Variants in FRMD7 observed in about 807,000 individuals in gnomAD.
The protein encoded by FRMD7 is FERM domain containing 7.
In FRMD7, 14 loss-of-function variants were observed where a neutral mutation model predicts 44.1. The observed-to-expected ratio is 0.32, with a 90% CI of 0.21 to 0.50. FRMD7 has a LOEUF of 0.50. FRMD7 is among the 20% of genes least tolerant of loss of function. The pLI is 0.99. For missense variants in FRMD7, 501 were observed against 522.3 expected (o/e 0.96, Z 0.40); for synonymous variants, 212 against 187.4 (o/e 1.13, Z -1.07).
chrX:132,097,781 T>C (rs952826893), intron 3 of FRMD7, among the ~76,000 whole-genome samples: 3 of 112,441 alleles, frequency 2.7e-5, no homozygotes, highest in African/African-American at 9.7e-5. Context: ...ATTCAAAGCA[T>C]GATGGACTGA....
At chrX:132,127,480 C>T (rs757375810) in intron 1 of FRMD7, among the ~76,000 whole-genome samples, 2 of 112,200 alleles carry the variant, frequency 1.8e-5, no homozygotes, top group Non-Finnish European at 3.8e-5. Context: ...TTTCAATGAA[C>T]AACAATACCT....
intron 3 of FRMD7, among the ~76,000 whole-genome samples, chrX:132,098,676 C>A (rs1004325861): frequency 2.9e-5 from 3 of 105,083 alleles, no homozygotes; most frequent in Non-Finnish European, 5.8e-5. Context: ...TCAGAAACAT[C>A]TGTGGAATTT....
chrX:132,107,722 A>G (rs927855598), intron 1 of FRMD7, among the ~76,000 whole-genome samples: 3 of 110,615 alleles, frequency 2.7e-5, no homozygotes, highest in Non-Finnish European at 5.7e-5. Flanking sequence ...ATTACATCCT[A>G]AAAGTCCTAT....
At chrX:132,100,187 G>T (rs774979892) in intron 2 of FRMD7, among the ~76,000 whole-genome samples, 1 of 111,939 alleles carries the variant, frequency 8.9e-6, no homozygotes, top group African/African-American at 3.3e-5. Flanking sequence ...GCTGGGATGC[G>T]GTGGTGCGAT....
chrX:132,078,818 G>T lies in FRMD7; in HGVS notation c.1199C>A (p.Ala400Glu), dbSNP rs943531530. The T allele has an allele frequency of 1.7e-6, 2 of 1,208,686 alleles. No homozygotes were observed. The highest frequency in any genetic ancestry group is 3.5e-5 in the African/African-American group (2 of 56,993). Residue 400 changes from alanine to glutamate, a missense_variant, in exon 12 of 12, where the codon GCG becomes GAG. Physicochemically the swap from Ala to Glu is moderately radical, Grantham distance 107 (BLOSUM62 -1). Coordinates refer to ENST00000298542, the MANE Select transcript of FRMD7 (RefSeq NM_194277.3). ...ATELEHSKPE[A>E]DPTLLHQSQS... The stretch of plus-strand genomic sequence containing the variant: ...GGACTGATGTAGCAATGTGGGATCC[G>T]CCTCTGGTTTGGAATGCTCCAGCTC...
chrX:132,096,732 AAAAAG>A (rs1928349844), intron 4 of FRMD7, among the ~76,000 whole-genome samples: 1 of 109,515 alleles, frequency 9.1e-6, no homozygotes, highest in African/African-American at 3.3e-5. Flanking sequence ...AAAAAAAAAA[AAAAAG>A]TGTAAGTCTA....
intron 5 of FRMD7, among the ~76,000 whole-genome samples, chrX:132,087,606 C>T (rs887365208): frequency 8.1e-5 from 9 of 111,639 alleles, no homozygotes; most frequent in Non-Finnish European, 1.1e-4. Context: ...GTTTCACTGA[C>T]TAATTCTATC....
rs377233934 is a variant in FRMD7 at position 132,097,558 on chromosome X, G to A, written c.206-214C>T. On this transcript the variant is annotated intron_variant, in intron 3 of 11. Coordinates refer to ENST00000298542, the MANE Select transcript of FRMD7 (RefSeq NM_194277.3). Reference sequence around the variant, plus strand: ...TGTGTCTCTATGTATATAGCGATTGGGAAAGTTCTCCCACCCCTCTTTCTA... The same window carrying A: ...TGTGTCTCTATGTATATAGCGATTGAGAAAGTTCTCCCACCCCTCTTTCTA... Among the ~76,000 whole-genome samples the A allele has an allele frequency of 3.6e-5, 4 of 110,974 alleles. No homozygotes were observed. In the East Asian group the frequency reaches 8.5e-4, roughly 24 times the overall value.
chrX:132,091,016 C>T (rs1400284718), intron 5 of FRMD7, among the ~76,000 whole-genome samples: 1 of 111,298 alleles, frequency 9.0e-6, no homozygotes, highest in Non-Finnish European at 1.9e-5. Flanking sequence ...TCTAGTCTCC[C>T]CACTTCCACC....
At chrX:132,116,521 C>T (rs1041683447) in intron 1 of FRMD7, among the ~76,000 whole-genome samples, 4 of 111,918 alleles carry the variant, frequency 3.6e-5, no homozygotes, top group African/African-American at 1.3e-4. Flanking sequence ...AAATAAGAGC[C>T]GTTTAAGATA....
intron 1 of FRMD7, among the ~76,000 whole-genome samples, chrX:132,110,298 G>C: frequency 9.0e-6 from 1 of 111,102 alleles, no homozygotes; most frequent in East Asian, 2.8e-4. Context: ...GGTTGGGGCT[G>C]CTATAATTCA....
At chrX:132,121,072 T>C (rs985842219) in intron 1 of FRMD7, among the ~76,000 whole-genome samples, 1 of 111,841 alleles carries the variant, frequency 8.9e-6, no homozygotes, top group Non-Finnish European at 1.9e-5. Flanking sequence ...TTGGTCAGTC[T>C]ATCAACAAAC....
rs1927957338 is a variant in FRMD7 at position 132,085,601 on chromosome X, T to G, written c.625A>C (p.Met209Leu). 1 of 1,209,520 alleles carries G rather than the reference T, an allele frequency of 8.3e-7. No homozygotes were observed. The highest frequency in any genetic ancestry group is 1.8e-5 in the African/African-American group (1 of 57,120). The change falls in exon 7 of 12, where the codon ATG (methionine) becomes CTG (leucine). Residue 209 changes from methionine to leucine, a missense_variant. By Grantham distance (15) the Met-to-Leu change is conservative (BLOSUM62 2). Coordinates refer to ENST00000298542, the MANE Select transcript of FRMD7 (RefSeq NM_194277.3). The stretch of plus-strand genomic sequence containing the variant: ...TTTACCCGTAACACCAGTACTCCCA[T>G]GTGAGCAACAGCCAGGTGAATCTGC... ...GMQIHLAVAH[M>L]GVLVLRGNTK...
chrX:132,095,705 T>C (rs5933069), intron 4 of FRMD7, among the ~76,000 whole-genome samples: 35,808 of 111,394 alleles, frequency 0.32, 4,589 homozygotes, highest in African/African-American at 0.44. Flanking sequence ...TAGAAACCCA[T>C]GTATTAGCCT....
In FRMD7 at chrX:132,085,981, G is replaced by A. The variant is rs780995406; in HGVS notation, c.436C>T (p.Arg146Trp). 8.3e-6 allele frequency: 10 copies of A among 1,204,720 alleles called. No homozygotes were observed. The highest frequency in any genetic ancestry group is 5.9e-5 in the East Asian group (2 of 33,744). Residue 146 changes from arginine (R) to tryptophan (W), a missense_variant, in exon 6 of 12, where the codon CGG (arginine) becomes TGG (tryptophan). By Grantham distance (101) the Arg-to-Trp change is moderately radical (BLOSUM62 -3). Transcript: ENST00000298542. ...ETDRKHLAQT[R>W]YLPNQDCLEG... ...AAACAGTCTTGGTTTGGTAAGTACC[G>A]AGTTTGTGCCAGATGCTTCCTATCT...
At chrX:132,122,148 C>G (rs1929049980) in intron 1 of FRMD7, among the ~76,000 whole-genome samples, 1 of 111,954 alleles carries the variant, frequency 8.9e-6, no homozygotes, top group Non-Finnish European at 1.9e-5. Flanking sequence ...GGTCTGTAAG[C>G]CAGGGAGAGG....
intron 1 of FRMD7, among the ~76,000 whole-genome samples, chrX:132,121,605 A>G (rs1929035407): frequency 9.1e-6 from 1 of 110,195 alleles, no homozygotes; most frequent in Admixed American, 9.7e-5. Flanking sequence ...TTAAAAAAAA[A>G]AACCCAAGGC....
At chrX:132,082,551 T>C (rs1437826068) in intron 8 of FRMD7, 25 bp from the exon 9 acceptor site, 15 of 1,159,754 alleles carry the variant, frequency 1.3e-5, no homozygotes, top group Middle Eastern at 2.3e-4. Context: ...TTCCATTAAG[T>C]AAAACATCCT....
chrX:132,084,046 G>A (rs762603680), intron 8 of FRMD7, among the ~76,000 whole-genome samples: 1 of 111,861 alleles, frequency 8.9e-6, no homozygotes, highest in South Asian at 3.7e-4. Flanking sequence ...TTTTGCTTAC[G>A]TGTATACCTG....
Sources: gnomAD v4.1 joint callset for allele counts (sites outside exome capture counted in the v4.1 genomes callset) on GRCh38, gnomAD v4.1.1 for gene constraint, MANE v1.5 for transcripts, NCBI Gene and HGNC (gene_info 2026-07-23, HGNC 2026-07-21) for gene names.